Variants in GRID2 observed in about 807,000 individuals in gnomAD.
The protein encoded by GRID2 is glutamate receptor ionotropic, delta-2.
GRID2 carries 33 observed loss-of-function variants against 114.8 expected under a neutral mutation model. That is an observed-to-expected ratio of 0.29 (90% confidence interval 0.22 to 0.38). The LOEUF (loss-of-function observed/expected upper bound fraction) is 0.38, where lower values mean the gene tolerates loss of function less well. Among genes scored for constraint, GRID2 ranks in the 10% least tolerant of loss-of-function variants. The pLI is 1.00. For synonymous variants in GRID2, 505 were observed against 449.9 expected (o/e 1.12, Z -1.55); for missense variants, 1,184 against 1,257.7 (o/e 0.94, Z 0.89).
intron 7 of GRID2, among the ~76,000 whole-genome samples, chr4:93,229,461 G>A (rs1435653845): frequency 6.6e-6 from 1 of 152,162 alleles, no homozygotes; most frequent in African/African-American, 2.4e-5. Flanking sequence ...ATGTAGGATG[G>A]CCTTTCTTAA....
intron 13 of GRID2, among the ~76,000 whole-genome samples, chr4:93,531,931 A>G (rs960307104): frequency 1.3e-5 from 2 of 152,140 alleles, no homozygotes; most frequent in African/African-American, 4.8e-5. Context: ...TTAATCTCTG[A>G]CAATTTCCAA....
At chr4:93,145,473 T>TTA (rs1437682921) in intron 4 of GRID2, among the ~76,000 whole-genome samples, 2 of 96,658 alleles carry the variant, frequency 2.1e-5, no homozygotes, top group African/African-American at 1.1e-4. Context: ...ATTTATTTAT[T>TTA]TTTTTTTGAG....
In GRID2 at chr4:93,753,523, G is replaced by A. The variant is rs113559595; in HGVS notation, c.2361-15687G>A. ...CCTACCCCATGACAGGCCCCAGTGT[G>A]TGATGTTCCCCACCCTGTGTCCAAG... On this transcript the variant is annotated intron_variant, in intron 14 of 15. Transcript: ENST00000282020. Among the ~76,000 whole-genome samples, 701 of 152,048 alleles carry A rather than the reference G, an allele frequency of 4.6e-3. 1 individual carries two copies. Among genetic ancestry groups the A allele is most frequent in the African/African-American group, 0.016 (672 of 41,468 alleles).
chr4:92,481,569 T>C (rs1722590863), intron 1 of GRID2, among the ~76,000 whole-genome samples: 1 of 152,136 alleles, frequency 6.6e-6, no homozygotes, highest in Admixed American at 6.6e-5. Flanking sequence ...TCTATATGTA[T>C]GTTTTTGTAC....
chr4:93,328,764 A>T (rs1758126269), intron 8 of GRID2, among the ~76,000 whole-genome samples: 1 of 151,934 alleles, frequency 6.6e-6, no homozygotes, highest in Admixed American at 6.6e-5. Flanking sequence ...AATGATACTC[A>T]GGTGGAGCTG....
Position 92,607,262 on chromosome 4 carries a change from A to T in GRID2, c.244+16976A>T, listed in dbSNP as rs577112303. 2.6e-3 allele frequency among the ~76,000 whole-genome samples: 403 copies of T among 152,136 alleles called. 1 individual carries two copies. The highest frequency in any genetic ancestry group is 4.7e-3 in the Non-Finnish European group (316 of 67,956). On this transcript the variant is annotated intron_variant, in intron 2 of 15. Transcript: ENST00000282020. ...TTTAATTTAAATAATATGACAAATG[A>T]AATAAACACGAATGTTAATGCTGAA...
At chr4:93,034,751 A>T (rs1205840179) in intron 2 of GRID2, among the ~76,000 whole-genome samples, 1 of 152,176 alleles carries the variant, frequency 6.6e-6, no homozygotes, top group Non-Finnish European at 1.5e-5. Context: ...AAATCACCAG[A>T]GAATTTTATA....
chr4:93,608,421 A>C (rs1366179065), intron 13 of GRID2, among the ~76,000 whole-genome samples: 6 of 143,356 alleles, frequency 4.2e-5, no homozygotes, highest in Non-Finnish European at 9.1e-5. Flanking sequence ...CTAACGTGTC[A>C]TCTAGCATTA....
At chr4:93,445,744 C>T (rs1024833409) in intron 10 of GRID2, among the ~76,000 whole-genome samples, 3 of 151,734 alleles carry the variant, frequency 2.0e-5, no homozygotes, top group Admixed American at 6.6e-5. Flanking sequence ...TAAGCCCTGT[C>T]GAAATATTTA....
intron 8 of GRID2, among the ~76,000 whole-genome samples, chr4:93,284,175 G>T (rs527324203): frequency 1.3e-5 from 2 of 151,992 alleles, no homozygotes; most frequent in African/African-American, 4.8e-5. Flanking sequence ...CCTATATAAT[G>T]ATAGCTTGAT....
At chr4:92,711,125 T>TA (rs936130062) in intron 2 of GRID2, among the ~76,000 whole-genome samples, 6 of 152,172 alleles carry the variant, frequency 3.9e-5, no homozygotes, top group Admixed American at 2.6e-4. Context: ...ACTATTTTTT[T>TA]AAAAAATGCT....
At chr4:92,781,498 TG>T (rs1313831184) in intron 2 of GRID2, among the ~76,000 whole-genome samples, 1 of 152,124 alleles carries the variant, frequency 6.6e-6, no homozygotes, top group African/African-American at 2.4e-5. Context: ...ATCTTCAAAG[TG>T]ATAAAATACG....
At chr4:92,472,792 T>G (rs1046323269) in intron 1 of GRID2, among the ~76,000 whole-genome samples, 6 of 152,136 alleles carry the variant, frequency 3.9e-5, no homozygotes, top group Middle Eastern at 3.2e-3. Context: ...ATTATCAAGC[T>G]TTGAACATTA....
chr4:92,991,870 A>C (rs887469639), intron 2 of GRID2, among the ~76,000 whole-genome samples: 1 of 152,204 alleles, frequency 6.6e-6, no homozygotes, highest in African/African-American at 2.4e-5. Flanking sequence ...CAAACAAACA[A>C]AACACATTAC....
At chr4:93,035,789 G>T (rs532657992) in intron 2 of GRID2, among the ~76,000 whole-genome samples, 8 of 152,130 alleles carry the variant, frequency 5.3e-5, no homozygotes, top group Admixed American at 2.0e-4. Flanking sequence ...CCACAAACAG[G>T]TAAGAGAGCA....
intron 8 of GRID2, among the ~76,000 whole-genome samples, chr4:93,359,334 A>G (rs1761654710): frequency 6.6e-6 from 1 of 151,894 alleles, no homozygotes; most frequent in Non-Finnish European, 1.5e-5. Flanking sequence ...TATGGGGTAC[A>G]TGAGATGTTT....
At chr4:93,164,322 C>G (rs908201656) in intron 4 of GRID2, among the ~76,000 whole-genome samples, 16 of 151,980 alleles carry the variant, frequency 1.1e-4, no homozygotes, top group African/African-American at 3.9e-4. Flanking sequence ...GAATGAAGAG[C>G]AGATGTAACG....
chr4:93,205,902 T>C (rs149642564), intron 4 of GRID2, among the ~76,000 whole-genome samples: 28 of 152,272 alleles, frequency 1.8e-4, no homozygotes, highest in African/African-American at 6.0e-4. Context: ...ATTTCTCTGA[T>C]GGCCAGTGAT....
At chr4:93,567,200 A>G (rs1346631285) in intron 13 of GRID2, among the ~76,000 whole-genome samples, 1 of 152,230 alleles carries the variant, frequency 6.6e-6, no homozygotes, top group Non-Finnish European at 1.5e-5. Flanking sequence ...TTTTCCAGCA[A>G]TAAACATATA....
Sources: gnomAD v4.1 joint callset for allele counts (sites outside exome capture counted in the v4.1 genomes callset) on GRCh38, gnomAD v4.1.1 for gene constraint, MANE v1.5 for transcripts, NCBI Gene and HGNC (gene_info 2026-07-23, HGNC 2026-07-21) for gene names.